The following ZNF385D variants were observed in gnomAD, a reference collection of about 807,000 sequenced individuals.
The protein encoded by ZNF385D is zinc finger protein 659.
A neutral mutation model predicts 35.8 loss-of-function variants in ZNF385D; 15 were observed. The ratio of observed to expected loss-of-function variants is 0.42; its 90% confidence interval spans 0.28 to 0.64. The LOEUF is 0.64. Ranked by LOEUF, ZNF385D falls within the 30% of genes least tolerant of loss-of-function variation. The pLI is 0.23. For missense variants in ZNF385D, 474 were observed against 494.6 expected, an observed-to-expected ratio of 0.96 and a Z score of 0.39; for synonymous variants, 212 against 186.8, an observed-to-expected ratio of 1.13 and a Z score of -1.10.
At chr3:22,128,614 C>T (rs1703587383) in intron 3 of ZNF385D, among the ~76,000 whole-genome samples, 1 of 152,116 alleles carries the variant, frequency 6.6e-6, no homozygotes, top group East Asian at 1.9e-4. Context: ...TATCTTCAAA[C>T]TCACTCATTC....
rs114655402 is a variant in ZNF385D at position 22,337,194 on chromosome 3, C to T, written c.106+35256G>A. Among the ~76,000 whole-genome samples the T allele has an allele frequency of 3.9e-3, 586 of 151,730 alleles. 3 individuals are homozygous for T. The highest frequency in any genetic ancestry group is 0.013 in the African/African-American group (541 of 41,394). ...GATTTTTTTTTTAATGTGCTATGCT[C>T]ATTATAAGAATGGATAGCTCCACAT... On this transcript the variant is annotated intron_variant, in intron 2 of 5. Transcript: ENST00000494108.
At chr3:22,309,385 A>C (rs1703411284) in intron 2 of ZNF385D, among the ~76,000 whole-genome samples, 1 of 152,106 alleles carries the variant, frequency 6.6e-6, no homozygotes, top group African/African-American at 2.4e-5. Flanking sequence ...AGCAAGTATA[A>C]ATAAAATGTT....
intron 1 of ZNF385D, among the ~76,000 whole-genome samples, chr3:21,688,559 C>G (rs1009111772): frequency 2.0e-5 from 3 of 152,108 alleles, no homozygotes; most frequent in African/African-American, 7.2e-5. Context: ...TAGACATTAA[C>G]TACATTCTTT....
intron 2 of ZNF385D, among the ~76,000 whole-genome samples, chr3:22,195,030 A>G (rs1696315721): frequency 6.6e-6 from 1 of 151,888 alleles, no homozygotes; most frequent in Non-Finnish European, 1.5e-5. Context: ...GCTTAACTTT[A>G]TAAGAAACTG....
intron 3 of ZNF385D, among the ~76,000 whole-genome samples, chr3:22,078,546 A>G (rs1028126361): frequency 6.6e-6 from 1 of 152,076 alleles, no homozygotes; most frequent in African/African-American, 2.4e-5. Flanking sequence ...CTGTATGAAG[A>G]AAATCAAGCA....
rs1575837302 is a variant in ZNF385D, at chr3:21,885,388, C to T, written c.326-220360G>A. ...TAATAATCAAATACTTACTTATACC[C>T]TAATATTGTGACACAATTGTTAGCA... is the stretch of plus-strand genomic sequence containing the variant. On this transcript the variant is annotated intron_variant, in intron 3 of 5. Coordinates refer to the ZNF385D transcript ENST00000494108. Among the ~76,000 whole-genome samples the T allele has an allele frequency of 3.3e-5, 5 of 151,824 alleles. No homozygotes were observed. In the East Asian group the frequency reaches 9.7e-4, roughly 29 times the overall value.
At chr3:21,849,271 T>C (rs903926786) in intron 3 of ZNF385D, among the ~76,000 whole-genome samples, 2 of 145,242 alleles carry the variant, frequency 1.4e-5, no homozygotes, top group Non-Finnish European at 3.1e-5. Flanking sequence ...AGTGTAATAG[T>C]GCCACTTCTT....
chr3:21,968,079 G>A (rs973608537), intron 3 of ZNF385D, among the ~76,000 whole-genome samples: 1 of 152,164 alleles, frequency 6.6e-6, no homozygotes, highest in Non-Finnish European at 1.5e-5. Context: ...GTACGGTGCA[G>A]AGAGAGTATC....
At chr3:22,255,271 T>TC (rs11368837) in intron 2 of ZNF385D, among the ~76,000 whole-genome samples, 75,872 of 149,858 alleles carry the variant, frequency 0.51, 21,175 homozygotes, top group African/African-American at 0.77. Context: ...TATCATGTAT[T>TC]CCCCCCCCCA....
rs191290644 is a variant in ZNF385D, at chr3:21,557,905, A to T, written c.276+6669T>A. On this transcript the variant is annotated intron_variant, in intron 3 of 7. Coordinates refer to ENST00000281523, the MANE Select transcript of ZNF385D (RefSeq NM_024697.3). ...GGAGGGTGTATGGGTCCAGGAATTT[A>T]TCCATTTCTTCTAGATTTTCTAGTT... is the stretch of plus-strand genomic sequence containing the variant. 2.1e-3 allele frequency among the ~76,000 whole-genome samples: 319 copies of T among 152,162 alleles called. 1 individual carries two copies. The highest frequency in any genetic ancestry group is 0.01 in the Middle Eastern group (3 of 294).
intron 2 of ZNF385D, among the ~76,000 whole-genome samples, chr3:22,268,892 G>A (rs772835648): frequency 4.0e-5 from 6 of 151,822 alleles, no homozygotes; most frequent in Non-Finnish European, 7.4e-5. Context: ...TGGGGGTGGG[G>A]GAGAATGGGG....
intron 3 of ZNF385D, among the ~76,000 whole-genome samples, chr3:22,086,774 T>A (rs555422754): frequency 6.6e-6 from 1 of 152,288 alleles, no homozygotes; most frequent in South Asian, 2.1e-4. Flanking sequence ...TGAGTTCATG[T>A]CCTTTGTAGG....
chr3:21,842,237 A>T (rs1490137848), intron 3 of ZNF385D, among the ~76,000 whole-genome samples: 2 of 152,124 alleles, frequency 1.3e-5, no homozygotes, highest in East Asian at 3.9e-4. Context: ...TCCCAGGCTG[A>T]TAGAGCAGCT....
At chr3:22,228,913 C>T (rs1315247603) in intron 2 of ZNF385D, among the ~76,000 whole-genome samples, 1 of 152,192 alleles carries the variant, frequency 6.6e-6, no homozygotes, top group African/African-American at 2.4e-5. Flanking sequence ...GGACCTATGC[C>T]AATTGTTTGC....
intron 2 of ZNF385D, among the ~76,000 whole-genome samples, chr3:21,653,122 T>A (rs997173616): frequency 6.6e-5 from 10 of 152,286 alleles, no homozygotes; most frequent in Middle Eastern, 3.4e-3. Flanking sequence ...GATTTAAAAA[T>A]ACACACACAT....
intron 3 of ZNF385D, among the ~76,000 whole-genome samples, chr3:22,161,519 TTA>T (rs1705947554): frequency 6.6e-6 from 1 of 152,056 alleles, no homozygotes; most frequent in Admixed American, 6.6e-5. Flanking sequence ...TCTATAATAT[TTA>T]TGAGAGGGTG....
At chr3:21,608,012 C>CTTCT (rs2064536095) in intron 2 of ZNF385D, among the ~76,000 whole-genome samples, 9 of 123,950 alleles carry the variant, frequency 7.3e-5, no homozygotes, top group African/African-American at 2.8e-4. Context: ...TCTTTTTCTT[C>CTTCT]TTTTTTTTTT....
At chr3:21,839,569 TATG>T (rs904652080) in intron 3 of ZNF385D, among the ~76,000 whole-genome samples, 1 of 152,142 alleles carries the variant, frequency 6.6e-6, no homozygotes, top group Non-Finnish European at 1.5e-5. Context: ...TAGCTTTTTC[TATG>T]ATAACTAAGA....
At chr3:21,602,730 T>C (rs903205251) in intron 2 of ZNF385D, among the ~76,000 whole-genome samples, 1 of 150,816 alleles carries the variant, frequency 6.6e-6, no homozygotes, top group Non-Finnish European at 1.5e-5. Context: ...AGACGGGGTT[T>C]CACCTTGTTA....
Sources: allele counts gnomAD v4.1 joint callset (sites outside exome capture counted in the v4.1 genomes callset), GRCh38; gene constraint gnomAD v4.1.1; transcripts MANE v1.5; gene names NCBI Gene and HGNC (gene_info 2026-07-23, HGNC 2026-07-21).